The following PIK3C2A variants were observed in gnomAD, a reference collection of about 807,000 sequenced individuals.
PIK3C2A encodes phosphatidylinositol 4-phosphate 3-kinase C2 domain-containing subunit alpha.
PIK3C2A carries 97 observed loss-of-function variants against 204.5 expected under a neutral mutation model. The observed-to-expected ratio is 0.47, with a 90% CI of 0.40 to 0.56. The LOEUF (loss-of-function observed/expected upper bound fraction) is 0.56. Ranked by LOEUF, PIK3C2A falls within the 20% of genes least tolerant of loss-of-function variation. The probability of loss-of-function intolerance (pLI) is 0.00; values close to 1 mark genes in which losing one functional copy is unlikely to be tolerated. For missense variants in PIK3C2A, 1,735 were observed against 1,969.2 expected (o/e 0.88, Z 2.25); for synonymous variants, 653 against 664.4 (o/e 0.98, Z 0.26).
chr11:17,089,802 T>C lies in PIK3C2A; in HGVS notation c.4997A>G (p.Lys1666Arg), dbSNP rs747576036. Residue 1666 changes from lysine to arginine, a missense_variant, in exon 33 of 33, where the codon AAA becomes AGA. By Grantham distance (26) the Lys-to-Arg change is conservative (BLOSUM62 2). Around this residue, in one of 6 missense-constraint regions of PIK3C2A, gnomAD observed 503 missense variants for 669.0 expected, o/e 0.75. Transcript: ENST00000691414. ...FFLGGVTLPL[K>R]DFNLSKETVK... is the part of the protein sequence containing the mutation. ...CGTCTCTTTGCTCAAGTTGAAATCT[T>C]TCAAAGGCAGGGTTACTCCACCCAA... 18 of 1,614,082 alleles carry C rather than the reference T, an allele frequency of 1.1e-5. No homozygotes were observed. The highest frequency in any genetic ancestry group is 1.4e-5 in the Non-Finnish European group (16 of 1,179,934).
intron 1 of PIK3C2A, among the ~76,000 whole-genome samples, chr11:17,170,592 A>C (rs181686802): frequency 3.3e-5 from 5 of 152,342 alleles, no homozygotes; most frequent in East Asian, 1.9e-4. Flanking sequence ...AAAGATGAGA[A>C]GATAATTTTT....
chr11:17,206,657 G>C (rs1014083200), intron 1 of PIK3C2A, among the ~76,000 whole-genome samples: 2 of 151,374 alleles, frequency 1.3e-5, no homozygotes, highest in Admixed American at 6.6e-5. Context: ...GTGGAGACTT[G>C]AACCACAAGC....
chr11:17,147,348 C>A (rs1353640536), intron 6 of PIK3C2A, among the ~76,000 whole-genome samples, 169 bp downstream of exon 6: 1 of 152,180 alleles, frequency 6.6e-6, no homozygotes, highest in Non-Finnish European at 1.5e-5. Context: ...ACCTAAACCT[C>A]CATGATTGAA....
intron 22 of PIK3C2A, among the ~76,000 whole-genome samples, chr11:17,106,465 T>G (rs906981516): frequency 2.0e-4 from 30 of 152,142 alleles, no homozygotes; most frequent in Non-Finnish European, 7.3e-5. Context: ...AAATTGTTCT[T>G]TATTTTCAAA....
chr11:17,134,424 C>G (rs1345335313), intron 11 of PIK3C2A, among the ~76,000 whole-genome samples: 1 of 151,738 alleles, frequency 6.6e-6, no homozygotes, highest in African/African-American at 2.4e-5. Flanking sequence ...TGCAATGGTG[C>G]AATCTTGGCT....
chr11:17,190,711 C>T (rs151081537), intron 1 of PIK3C2A, among the ~76,000 whole-genome samples: 173 of 151,818 alleles, frequency 1.1e-3, no homozygotes, highest in African/African-American at 4.0e-3. Context: ...AAAATATATT[C>T]AAAATCAATA....
intron 1 of PIK3C2A, among the ~76,000 whole-genome samples, chr11:17,179,026 C>G (rs76818758): frequency 9.3e-3 from 2 of 214 alleles, no homozygotes; most frequent in Non-Finnish European, 0.018. Context: ...ACCGCGCCCC[C>G]GCTGATTTTT....
rs544409125 is a variant in PIK3C2A, at chr11:17,177,631, C to T, written c.-65-7825G>A. ...TAAAAGGAAAAACCCCAGTACATGA[C>T]AAGATAATATTCTCATATCTCTACT... On this transcript the variant is annotated intron_variant, in intron 1 of 32. Transcript: ENST00000691414. Among the ~76,000 whole-genome samples the T allele has an allele frequency of 6.6e-5, 10 of 152,128 alleles. No individual in the cohort carries two copies. The East Asian group carries it at 1.9e-3, about 29-fold the overall frequency.
Position 17,145,721 on chromosome 11 carries a change from C to T in PIK3C2A, c.1651G>A (p.Glu551Lys), listed in dbSNP as rs1479309183. Residue 551 changes from glutamate (E) to lysine (K), a missense_variant, in exon 8 of 33, where the codon GAA becomes AAA. Glu to Lys is a moderately conservative substitution (Grantham distance 56). Coordinates refer to ENST00000691414, the MANE Select transcript of PIK3C2A (RefSeq NM_002645.4). ...TTGTGATAAGAATCTAAGAGTTCTT[C>T]AACAGGGTGTCTGAAAGAAACAACA... Reference protein sequence around the residue: ...CKEAMTRHPVEELLDSYHNQV... With the variant: ...CKEAMTRHPVKELLDSYHNQV... The T allele has an allele frequency of 6.2e-7, 1 of 1,606,802 alleles. No individual in the cohort carries two copies.
At chr11:17,189,620 T>C (rs1313428371) in intron 1 of PIK3C2A, among the ~76,000 whole-genome samples, 1 of 128,478 alleles carries the variant, frequency 7.8e-6, no homozygotes, top group Non-Finnish European at 1.5e-5. Flanking sequence ...CGTGTGACCA[T>C]CACTACTACC....
chr11:17,196,119 T>A (rs1047046538), intron 1 of PIK3C2A, among the ~76,000 whole-genome samples: 1 of 151,710 alleles, frequency 6.6e-6, no homozygotes, highest in African/African-American at 2.4e-5. Flanking sequence ...CAAAAAAAAA[T>A]CAGAAACAAG....
At chr11:17,114,493 T>A (rs914244500) in intron 19 of PIK3C2A, 28 bp from the exon 20 acceptor site, 1 of 965,460 alleles carries the variant, frequency 1.0e-6, no homozygotes, top group Non-Finnish European at 1.7e-6. Context: ...ATACTGTAAG[T>A]ACATAATGAA....
chr11:17,146,861 G>A (rs1365402944), intron 6 of PIK3C2A, among the ~76,000 whole-genome samples: 1 of 151,666 alleles, frequency 6.6e-6, no homozygotes, highest in Non-Finnish European at 1.5e-5. Context: ...CAAAACTCAA[G>A]AAAACCAAGA....
intron 1 of PIK3C2A, among the ~76,000 whole-genome samples, chr11:17,193,338 T>C (rs565534286): frequency 6.6e-6 from 1 of 152,320 alleles, no homozygotes; most frequent in East Asian, 1.9e-4. Flanking sequence ...CTGAAGAATA[T>C]TTCCTTAGAA....
At chr11:17,194,171 C>G (rs190418166) in intron 1 of PIK3C2A, 34 of 683,950 alleles carry the variant, frequency 5.0e-5, no homozygotes, top group Non-Finnish European at 7.0e-5. Flanking sequence ...TGCTTGTGCC[C>G]GCATTGCCAA....
intron 8 of PIK3C2A, 110 bp downstream of exon 8, chr11:17,145,558 A>G (rs927370184): frequency 3.0e-6 from 2 of 662,580 alleles, no homozygotes. Context: ...AAAGAAGAAT[A>G]TAGTCTTAAA....
chr11:17,168,474 G>T (rs1276507019), intron 2 of PIK3C2A, among the ~76,000 whole-genome samples: 1 of 152,026 alleles, frequency 6.6e-6, no homozygotes, highest in Non-Finnish European at 1.5e-5. Context: ...CCAGCCACTC[G>T]GGAGGCTGAG....
intron 1 of PIK3C2A, among the ~76,000 whole-genome samples, chr11:17,199,469 T>C (rs1852286290): frequency 2.0e-5 from 3 of 152,200 alleles, no homozygotes; most frequent in Admixed American, 2.0e-4. Flanking sequence ...GCAGTATCCA[T>C]CAATGAATTA....
At chr11:17,110,662 T>A in intron 21 of PIK3C2A, 101 bp from the exon 22 acceptor site, 3 of 988,286 alleles carry the variant, frequency 3.0e-6, no homozygotes, top group South Asian at 1.7e-5. Flanking sequence ...GAGGCCAAAG[T>A]GGGCAGAACA....
Sources: allele counts gnomAD v4.1 joint callset (sites outside exome capture counted in the v4.1 genomes callset), GRCh38; gene constraint gnomAD v4.1.1; regional missense constraint gnomAD v4.1.1; transcripts MANE v1.5; gene names NCBI Gene and HGNC (gene_info 2026-07-23, HGNC 2026-07-21).